Variants in ERC1 observed in about 807,000 individuals in gnomAD.
ERC1 encodes ELKS/RAB6-interacting/CAST family member 1, also known as RAB6 interacting protein 2.
In ERC1, 56 loss-of-function variants were observed where a neutral mutation model predicts 132.0. The ratio of observed to expected loss-of-function variants is 0.42; its 90% CI spans 0.34 to 0.53. The LOEUF is 0.53. ERC1 is among the 20% of genes least tolerant of loss of function. The pLI, the probability that ERC1 is intolerant of heterozygous loss-of-function variation, is 0.03. For synonymous variants in ERC1, 478 were observed against 476.1 expected (o/e 1.00, Z -0.05); for missense variants, 1,202 against 1,349.9 (o/e 0.89, Z 1.72).
At position 1,326,003 on chromosome 12, in the gene ERC1, C is replaced by A. The variant is rs578003762; in HGVS notation, c.2780+35991C>A. The stretch of plus-strand genomic sequence containing the variant: ...ATGATTGTGGTATGAAACTGCCAAT[C>A]TTCTACTTTGATGTTCATGATTCAA... On this transcript the variant is annotated intron_variant, in intron 15 of 18. Coordinates refer to ENST00000360905, the MANE Select transcript of ERC1 (RefSeq NM_178040.4). Among the ~76,000 whole-genome samples, 4 of 152,238 alleles carry A rather than the reference C, an allele frequency of 2.6e-5. No individual in the cohort carries two copies. In the East Asian group the frequency reaches 7.7e-4, roughly 29 times the overall value.
intron 17 of ERC1, among the ~76,000 whole-genome samples, chr12:1,413,431 T>G (rs1388562787): frequency 2.0e-5 from 3 of 151,860 alleles, no homozygotes; most frequent in Non-Finnish European, 4.4e-5. Flanking sequence ...CCATCTCTAC[T>G]AAAAATACAA....
At chr12:1,059,716 T>C (rs922631981) in intron 2 of ERC1, among the ~76,000 whole-genome samples, 6 of 152,232 alleles carry the variant, frequency 3.9e-5, no homozygotes, top group Non-Finnish European at 5.9e-5. Flanking sequence ...GTCTTTTGAA[T>C]GTGCTGTTGG....
At chr12:1,175,290 G>A (rs1241216768) in intron 8 of ERC1, among the ~76,000 whole-genome samples, 1 of 152,070 alleles carries the variant, frequency 6.6e-6, no homozygotes, top group African/African-American at 2.4e-5. Context: ...AGATTTCTCT[G>A]AATCCTGCAG....
rs184992450 is a variant in ERC1 at position 1,313,045 on chromosome 12, A to G, written c.2780+23033A>G. 3.6e-4 allele frequency among the ~76,000 whole-genome samples: 55 copies of G among 152,268 alleles called. 1 individual carries two copies. The highest frequency in any genetic ancestry group is 1.3e-3 in the African/African-American group (55 of 41,554). On this transcript the variant is annotated intron_variant, in intron 15 of 18. Coordinates refer to ENST00000360905, the MANE Select transcript of ERC1 (RefSeq NM_178040.4). ...GAAAAGATTAATAGAATAAGGGTTTATTCTATTAATAGGCAATTTGGGGCT... is the reference window on the plus strand; with the variant it reads ...GAAAAGATTAATAGAATAAGGGTTTGTTCTATTAATAGGCAATTTGGGGCT...
At chr12:1,187,273 T>C (rs2154275589) in intron 11 of ERC1, among the ~76,000 whole-genome samples, 1 of 152,328 alleles carries the variant, frequency 6.6e-6, no homozygotes, top group East Asian at 1.9e-4. Flanking sequence ...AAGTACAAAT[T>C]AACTCAGCAA....
intron 11 of ERC1, among the ~76,000 whole-genome samples, chr12:1,184,899 C>T (rs1954900491): frequency 6.6e-6 from 1 of 152,000 alleles, no homozygotes; most frequent in East Asian, 1.9e-4. Flanking sequence ...ACTACAGACC[C>T]ATGCCACAAC....
At chr12:1,441,096 A>G (rs546167494) in intron 17 of ERC1, among the ~76,000 whole-genome samples, 29 of 151,522 alleles carry the variant, frequency 1.9e-4, no homozygotes, top group Non-Finnish European at 2.9e-4. Context: ...TCTTGCTGCA[A>G]TGCCCAGCCT....
chr12:1,035,259 C>T (rs900628765), intron 2 of ERC1, among the ~76,000 whole-genome samples: 1 of 152,148 alleles, frequency 6.6e-6, no homozygotes, highest in Non-Finnish European at 1.5e-5. Context: ...TAAATGGTTT[C>T]CCCATTTCAG....
chr12:1,363,066 C>T (rs1266178381), intron 15 of ERC1, among the ~76,000 whole-genome samples: 1 of 152,228 alleles, frequency 6.6e-6, no homozygotes, highest in Admixed American at 6.5e-5. Context: ...CCAGGAGCTT[C>T]TGTCTGCCCT....
chr12:1,139,186 C>CA (rs1949637882), intron 7 of ERC1, among the ~76,000 whole-genome samples: 1 of 151,894 alleles, frequency 6.6e-6, no homozygotes, highest in African/African-American at 2.4e-5. Context: ...TTAAGTTAAG[C>CA]TTTTTTTTAG....
chr12:1,135,481 T>G (rs1949158673), intron 7 of ERC1, among the ~76,000 whole-genome samples: 1 of 152,220 alleles, frequency 6.6e-6, no homozygotes, highest in Non-Finnish European at 1.5e-5. Context: ...TGTGGTGGGC[T>G]GAATAGTATC....
At position 1,181,841 on chromosome 12, in the gene ERC1, G is replaced by A. The variant is rs189587984; in HGVS notation, c.1876-84G>A. 1.0e-5 allele frequency: 14 copies of A among 1,367,632 alleles called. No individual in the cohort carries two copies. In the African/African-American group the frequency reaches 1.9e-4, roughly 19 times the overall value. 84.7% of individuals were successfully genotyped at this position (1,367,632 alleles called of 1,614,324 possible). A position where few individuals can be genotyped will look rare whatever the true frequency, so the allele number is the denominator to read the frequency against. On this transcript the variant is annotated intron_variant, in intron 9 of 18. Coordinates refer to ENST00000360905, the MANE Select transcript of ERC1 (RefSeq NM_178040.4). ...TTACCATTGTCTTTTGAATATAGAA[G>A]TTTGAAATTCTGCTAAAAGCAGAAT...
rs59708005 is a variant in ERC1, at chr12:1,493,540, A to ATATATAT, written c.*3310_*3311insTATATAT. The stretch of plus-strand genomic sequence containing the variant: ...TGACAGAGACTCCATTTAAAAAAAA[A>ATATATAT]AAAAAAAAATATATATATATATATA... On this transcript the variant is annotated 3_prime_UTR_variant, in exon 19 of 19. Transcript: ENST00000360905. The ATATATAT allele has an allele frequency of 1.3e-4, 3 of 22,390 alleles. No individual in the cohort carries two copies. Among genetic ancestry groups the ATATATAT allele is most frequent in the South Asian group, 2.6e-3 (1 of 392 alleles). The allele number at this position is 22,390 out of a possible 1,614,324, so 1.4% of individuals were successfully genotyped here. A position where few individuals can be genotyped will look rare whatever the true frequency, so the allele number is the denominator to read the frequency against.
intron 18 of ERC1, among the ~76,000 whole-genome samples, chr12:1,452,812 CTCT>C (rs933736661): frequency 2.0e-5 from 3 of 152,168 alleles, no homozygotes; most frequent in East Asian, 1.9e-4. Context: ...ATATACTTTC[CTCT>C]TCTTCTGTCA....
intron 8 of ERC1, among the ~76,000 whole-genome samples, chr12:1,162,964 A>G (rs948035665): frequency 3.3e-5 from 5 of 152,204 alleles, no homozygotes; most frequent in African/African-American, 1.2e-4. Context: ...GAATATGTAT[A>G]GTTAAACTCT....
chr12:1,279,350 A>G (rs993094133), intron 14 of ERC1, among the ~76,000 whole-genome samples: 17 of 152,194 alleles, frequency 1.1e-4, no homozygotes, highest in Non-Finnish European at 7.4e-5. Context: ...GTCGCTCTTC[A>G]AGTAATGCAT....
At chr12:1,054,586 T>C (rs1276878639) in intron 2 of ERC1, among the ~76,000 whole-genome samples, 2 of 152,118 alleles carry the variant, frequency 1.3e-5, no homozygotes, top group Admixed American at 1.3e-4. Flanking sequence ...GGCATGTCAC[T>C]GTGCATTATC....
intron 12 of ERC1, among the ~76,000 whole-genome samples, chr12:1,200,016 GAGAA>G (rs1809967928): frequency 6.6e-6 from 1 of 151,894 alleles, no homozygotes; most frequent in Non-Finnish European, 1.5e-5. Flanking sequence ...GTATGTGTAA[GAGAA>G]AGAGAACTTT....
chr12:1,243,193 CAA>C (rs1336288698), intron 13 of ERC1, among the ~76,000 whole-genome samples: 4 of 70,822 alleles, frequency 5.6e-5, no homozygotes, highest in African/African-American at 4.7e-5. Flanking sequence ...GACTCCGTCT[CAA>C]AAAAAAAAAA....
Sources: gnomAD v4.1 joint callset for allele counts (sites outside exome capture counted in the v4.1 genomes callset) on GRCh38, gnomAD v4.1.1 for gene constraint, MANE v1.5 for transcripts, NCBI Gene and HGNC (gene_info 2026-07-23, HGNC 2026-07-21) for gene names.